NUTM2D: variants seen among roughly 807,000 people sequenced by gnomAD.
NUTM2D encodes NUT family member 2A pseudogene.
Under a neutral mutation model 43.5 loss-of-function variants are expected in NUTM2D, and 2 were observed. That is an observed-to-expected ratio of 0.05 (90% CI 0.02 to 0.14). NUTM2D has a LOEUF of 0.14. Among genes scored for constraint, NUTM2D ranks in the 10% least tolerant of loss-of-function variants. The pLI is 1.00. For missense variants in NUTM2D, 48 were observed against 668.7 expected, an observed-to-expected ratio of 0.07 and a Z score of 10.24; for synonymous variants, 24 against 276.6, an observed-to-expected ratio of 0.09 and a Z score of 9.06.
downstream of NUTM2D, chr10:87,367,386 C>T (rs199695510): frequency 2.9e-3 from 4,626 of 1,599,934 alleles, 120 homozygotes; most frequent in African/African-American, 0.051. Flanking sequence ...AGCCCTGATC[C>T]CTCCCACCAC....
intron 5 of NUTM2D, among the ~76,000 whole-genome samples, chr10:87,365,442 CTG>C (rs1323561770): frequency 3.6e-5 from 5 of 139,466 alleles, no homozygotes; most frequent in African/African-American, 1.0e-4. Context: ...TTACCTGTGT[CTG>C]TGTCTTTTCC....
At chr10:87,367,791 G>GC, downstream of NUTM2D, 1 of 168,198 alleles carries the variant, frequency 5.9e-6, no homozygotes, top group Non-Finnish European at 1.1e-5. Flanking sequence ...CCTGCATGGA[G>GC]CCCCCCACAG....
chr10:87,365,201 A>G lies in NUTM2D; in HGVS notation c.1516A>G (p.Lys506Glu), dbSNP rs1461240794. Residue 506 changes from lysine (K) to glutamate (E), a missense_variant and splice_region_variant, in exon 5 of 7, where the codon AAG becomes GAG. Coordinates refer to ENST00000381697, the MANE Select transcript of NUTM2D (RefSeq NM_001382304.1). Reference sequence around the variant, plus strand: ...GTGTTCCCAGAAAGACTTCGTCACCAAGGTGGGCTGGCCTGGAGTGCTGGG... The same window carrying G: ...GTGTTCCCAGAAAGACTTCGTCACCGAGGTGGGCTGGCCTGGAGTGCTGGG... ...KLCSQKDFVT[K>E]VEAVIHPQFL... The G allele has an allele frequency of 6.8e-7, 1 of 1,467,580 alleles. No individual in the cohort carries two copies. Among genetic ancestry groups the G allele is most frequent in the African/African-American group, 1.4e-5 (1 of 69,502 alleles). 90.9% of individuals were successfully genotyped at this position (1,467,580 alleles called of 1,614,324 possible). A position where few individuals can be genotyped will look rare whatever the true frequency, so the allele number is the denominator to read the frequency against.
At chr10:87,365,282 C>T (rs1850283977) in intron 5 of NUTM2D, 79 bp downstream of exon 5, 2 of 1,560,210 alleles carry the variant, frequency 1.3e-6, no homozygotes, top group South Asian at 1.2e-5. Context: ...AGCTCTGTTC[C>T]TTAGCTACTC....
At chr10:87,367,265 A>G (rs558615107), downstream of NUTM2D, 280 of 1,555,284 alleles carry the variant, frequency 1.8e-4, 1 homozygote, top group East Asian at 5.6e-3. Flanking sequence ...GAGGGAGGGC[A>G]GAGGAACTGG....
downstream of NUTM2D, chr10:87,369,313 C>T (rs190319023): frequency 8.0e-3 from 1,222 of 152,136 alleles, 13 homozygotes; most frequent in Admixed American, 0.016. Context: ...CTCCCTGACA[C>T]GAGGACACAC....
rs938372078 is a variant in NUTM2D, at chr10:87,365,335, G to A, written c.1518+132G>A. The A allele has an allele frequency of 5.2e-6, 8 of 1,538,776 alleles. No homozygotes were observed. The Admixed American group carries it at 7.6e-5, about 15-fold the overall frequency. ...CAAGGATTTGAGTGTCTGTGTATGTGATTGTGTGTGTCTGTGTGTTGCTGT... is the reference window on the plus strand; with the variant it reads ...CAAGGATTTGAGTGTCTGTGTATGTAATTGTGTGTGTCTGTGTGTTGCTGT... On this transcript the variant is annotated intron_variant, in intron 5 of 6. Transcript: ENST00000381697.
chr10:87,361,702 G>A lies in NUTM2D; in HGVS notation c.866+522G>A, dbSNP rs1326055093. On this transcript the variant is annotated intron_variant, in intron 2 of 6. Coordinates refer to ENST00000381697, the MANE Select transcript of NUTM2D (RefSeq NM_001382304.1). ...GGGTCCTGCACTGGGGCCGATGCCGGGCAGGTATTTGCATCTTCACCCTCA... is the reference window on the plus strand; with the variant it reads ...GGGTCCTGCACTGGGGCCGATGCCGAGCAGGTATTTGCATCTTCACCCTCA... 2.1e-4 allele frequency among the ~76,000 whole-genome samples: 11 copies of A among 52,306 alleles called. 4 individuals carry two copies. The highest frequency in any genetic ancestry group is 1.8e-3 in the South Asian group (2 of 1,088). 34.3% of individuals were successfully genotyped at this position (52,306 alleles called of 152,430 possible). A position where few individuals can be genotyped will look rare whatever the true frequency, so the allele number is the denominator to read the frequency against.
downstream of NUTM2D, chr10:87,367,297 C>A: frequency 1.2e-6 from 2 of 1,607,984 alleles, 1 homozygote; most frequent in Non-Finnish European, 1.7e-6. Context: ...CTCTGGGAAC[C>A]CACAGAGGCC....
chr10:87,370,566 A>G (rs1850345147), downstream of NUTM2D: 1 of 152,142 alleles, frequency 6.6e-6, no homozygotes. Context: ...TCTTTCACGT[A>G]CCTATTCGCC....
At position 87,365,066 on chromosome 10, in the gene NUTM2D, G is replaced by C; in HGVS notation, c.1381G>C (p.Gly461Arg). 2.2e-6 allele frequency: 2 copies of C among 915,376 alleles called. No individual in the cohort carries two copies. The highest frequency in any genetic ancestry group is 6.1e-5 in the East Asian group (2 of 32,944). 56.7% of individuals were successfully genotyped at this position (915,376 alleles called of 1,614,324 possible). A position where few individuals can be genotyped will look rare whatever the true frequency, so the allele number is the denominator to read the frequency against. Residue 461 changes from glycine to arginine, a missense_variant, in exon 5 of 7, where the codon GGG becomes CGG. Gly to Arg is a moderately radical substitution (Grantham distance 125). Coordinates refer to ENST00000381697, the MANE Select transcript of NUTM2D (RefSeq NM_001382304.1). ...GGAGGAGCTGCTGGGGCCTTCTCTCGGGGCCACGGGGGAGCCCGAGAAACA... is the reference window on the plus strand; with the variant it reads ...GGAGGAGCTGCTGGGGCCTTCTCTCCGGGCCACGGGGGAGCCCGAGAAACA... ...IMEELLGPSL[G>R]ATGEPEKQRE...
chr10:87,364,897 C>T lies in NUTM2D; in HGVS notation c.1212C>T (p.Thr404=), dbSNP rs1850277300. 1.4e-6 allele frequency: 1 copy of T among 711,302 alleles called. No individual in the cohort carries two copies. Among genetic ancestry groups the T allele is most frequent in the East Asian group, 3.6e-5 (1 of 27,894 alleles). The allele number at this position is 711,302 out of a possible 1,614,324, so 44.1% of individuals were successfully genotyped here. A position where few individuals can be genotyped will look rare whatever the true frequency, so the allele number is the denominator to read the frequency against. The stretch of plus-strand genomic sequence containing the variant: ...CACCCAGGCCCCAGAGGCCAGTGAC[C>T]AAGGCCCGCCGGCCACCACCCCGGC... ...LPPPRPQRPV[T]KARRPPPRPH... Residue 404 remains threonine, a synonymous_variant, in exon 5 of 7, where the codon ACC becomes ACT. Coordinates refer to ENST00000381697, the MANE Select transcript of NUTM2D (RefSeq NM_001382304.1).
rs1850290711 is a variant in NUTM2D, at chr10:87,365,813, A to AG, written c.1635+12dup. 3.5e-6 allele frequency: 3 copies of AG among 859,924 alleles called. No homozygotes were observed. Among genetic ancestry groups the AG allele is most frequent in the Non-Finnish European group, 5.7e-6 (3 of 527,986 alleles). 53.3% of individuals were successfully genotyped at this position (859,924 alleles called of 1,614,324 possible). On this transcript the variant is annotated intron_variant, in intron 6 of 6. Transcript: ENST00000381697. ...GGACTCACCCTTGCCCAGGTACCCCAGGGGCAGGAGGGACCTGGCACACAA... is the reference window on the plus strand; with the variant it reads ...GGACTCACCCTTGCCCAGGTACCCCAGGGGGCAGGAGGGACCTGGCACACAA...
chr10:87,367,445 C>G, downstream of NUTM2D: 1 of 1,501,332 alleles, frequency 6.7e-7, no homozygotes, highest in Non-Finnish European at 9.2e-7. Context: ...GGGGCCCCCT[C>G]ATCGTTATCA....
At chr10:87,370,495 C>T (rs1038075672), downstream of NUTM2D, 3 of 152,090 alleles carry the variant, frequency 2.0e-5, no homozygotes, top group Non-Finnish European at 2.9e-5. Context: ...TAAAGTCATC[C>T]TAGTGGTTCT....
chr10:87,369,909 T>C (rs954963260), downstream of NUTM2D: 11 of 152,204 alleles, frequency 7.2e-5, no homozygotes, highest in African/African-American at 2.4e-4. Context: ...AAACTCCATC[T>C]GACAACGTGA....
chr10:87,370,360 A>G (rs146792941), downstream of NUTM2D: 1,891 of 152,316 alleles, frequency 0.012, 22 homozygotes, highest in Non-Finnish European at 0.016. Flanking sequence ...TCTGTGTTTA[A>G]CCATTTCAGA....
downstream of NUTM2D, chr10:87,367,711 T>G: frequency 6.1e-6 from 2 of 327,898 alleles, no homozygotes; most frequent in African/African-American, 5.2e-5. Flanking sequence ...CAGGAGAGAG[T>G]CTTGTCCAAC....
chr10:87,365,137 G>GC lies in NUTM2D; in HGVS notation c.1457dup (p.Asp487ArgfsTer9), dbSNP rs1341337622. ...AGCAGCCACAGGAAGAGGACTGGACGCCCCCAGACCCGGGCCTCCTGAGCT... is the reference window on the plus strand; with the variant it reads ...AGCAGCCACAGGAAGAGGACTGGACGCCCCCCAGACCCGGGCCTCCTGAGCT... On this transcript the variant is annotated frameshift_variant, in exon 5 of 7. Coordinates refer to ENST00000381697, the MANE Select transcript of NUTM2D (RefSeq NM_001382304.1). LOFTEE classifies it high-confidence loss of function. 1 of 1,169,160 alleles carries GC rather than the reference G, an allele frequency of 8.6e-7. No homozygotes were observed. Among genetic ancestry groups the GC allele is most frequent in the East Asian group, 2.7e-5 (1 of 36,764 alleles). The allele number at this position is 1,169,160 out of a possible 1,614,324, so 72.4% of individuals were successfully genotyped here.
Sources: gnomAD v4.1 joint callset for allele counts (sites outside exome capture counted in the v4.1 genomes callset) on GRCh38, gnomAD v4.1.1 for gene constraint, MANE v1.5 for transcripts, NCBI Gene and HGNC (gene_info 2026-07-23, HGNC 2026-07-21) for gene names.